Variants in ADAM12 observed in about 807,000 individuals in gnomAD.
The protein encoded by ADAM12 is disintegrin and metalloproteinase domain-containing protein 12.
In ADAM12, 70 loss-of-function variants were observed where a neutral mutation model predicts 106.4. That is an observed-to-expected ratio of 0.66 (90% confidence interval 0.54 to 0.80). ADAM12 has a LOEUF of 0.80. Ranked by LOEUF, ADAM12 falls within the 30% of genes least tolerant of loss-of-function variation. The probability of loss-of-function intolerance (pLI) is 0.00; values close to 1 mark genes in which losing one functional copy is unlikely to be tolerated. For synonymous variants in ADAM12, 420 were observed against 433.5 expected, an observed-to-expected ratio of 0.97 and a Z score of 0.39; for missense variants, 1,010 against 1,171.9, an observed-to-expected ratio of 0.86 and a Z score of 2.02.
At chr10:126,269,003 A>G (rs1345871781) in intron 3 of ADAM12, among the ~76,000 whole-genome samples, 1 of 152,232 alleles carries the variant, frequency 6.6e-6, no homozygotes, top group Non-Finnish European at 1.5e-5. Flanking sequence ...AGCAGCCCCG[A>G]GAACCGCTGG....
At chr10:126,266,146 C>G (rs1298246648) in intron 3 of ADAM12, among the ~76,000 whole-genome samples, 3 of 152,162 alleles carry the variant, frequency 2.0e-5, no homozygotes, top group African/African-American at 4.8e-5. Flanking sequence ...CCAGGCCAGC[C>G]AAACAGGTGG....
At chr10:126,065,140 G>T in intron 13 of ADAM12, 139 bp from the exon 14 acceptor site, 1 of 855,052 alleles carries the variant, frequency 1.2e-6, no homozygotes. Flanking sequence ...TGCTTCTAAT[G>T]TAGAGATACC....
At chr10:126,263,356 C>T (rs906069816) in intron 3 of ADAM12, among the ~76,000 whole-genome samples, 2 of 152,084 alleles carry the variant, frequency 1.3e-5, no homozygotes, top group African/African-American at 4.8e-5. Flanking sequence ...GAACTCAGGA[C>T]CAGAGAGGTT....
At chr10:126,042,987 C>G (rs948237393) in intron 18 of ADAM12, 53 bp downstream of exon 18, 1 of 1,564,502 alleles carries the variant, frequency 6.4e-7, no homozygotes, top group Non-Finnish European at 8.7e-7. Context: ...GGCGAGCCCA[C>G]CCGCCCCCAG....
intron 2 of ADAM12, among the ~76,000 whole-genome samples, chr10:126,327,033 G>C (rs999246168): frequency 6.6e-6 from 1 of 152,212 alleles, no homozygotes; most frequent in Non-Finnish European, 1.5e-5. Flanking sequence ...CAGCGGGGCA[G>C]GTGACCAGGC....
At chr10:126,276,434 T>C (rs1246395268) in intron 3 of ADAM12, among the ~76,000 whole-genome samples, 3 of 152,228 alleles carry the variant, frequency 2.0e-5, no homozygotes, top group Non-Finnish European at 2.9e-5. Flanking sequence ...TACATGCTAG[T>C]AGTGCACAAG....
intron 5 of ADAM12, among the ~76,000 whole-genome samples, chr10:126,133,201 T>C (rs12261632): frequency 6.6e-6 from 1 of 152,144 alleles, no homozygotes; most frequent in Non-Finnish European, 1.5e-5. Flanking sequence ...TCCTTGGTGG[T>C]GAACAGTTGT....
intron 17 of ADAM12, among the ~76,000 whole-genome samples, chr10:126,044,824 TGTAA>T (rs1392249186): frequency 6.6e-6 from 1 of 152,164 alleles, no homozygotes; most frequent in Non-Finnish European, 1.5e-5. Flanking sequence ...CTACGTCAAA[TGTAA>T]GTGTCTTGCC....
At chr10:126,252,132 GGACA>G (rs1444431551) in intron 3 of ADAM12, among the ~76,000 whole-genome samples, 2 of 149,314 alleles carry the variant, frequency 1.3e-5, no homozygotes, top group African/African-American at 5.0e-5. Context: ...ATGGATGGAT[GGACA>G]GGATGGATGG....
At chr10:126,108,481 C>A in intron 8 of ADAM12, 112 bp downstream of exon 8, 1 of 978,252 alleles carries the variant, frequency 1.0e-6, no homozygotes, top group Non-Finnish European at 1.6e-6. Context: ...CAGTTCCAAA[C>A]CAAGGCCCAG....
At chr10:126,100,927 C>T in intron 9 of ADAM12, 145 bp downstream of exon 9, 1 of 782,578 alleles carries the variant, frequency 1.3e-6, no homozygotes, top group Non-Finnish European at 2.0e-6. Flanking sequence ...GGCATCTGCC[C>T]CCCTGGTGTG....
intron 5 of ADAM12, among the ~76,000 whole-genome samples, chr10:126,122,562 G>C (rs1956134217): frequency 6.6e-6 from 1 of 152,172 alleles, no homozygotes; most frequent in Non-Finnish European, 1.5e-5. Context: ...AGGAGTTCAA[G>C]ACCAGCCGGA....
At chr10:126,155,573 C>T (rs1181709384) in intron 3 of ADAM12, among the ~76,000 whole-genome samples, 1 of 152,156 alleles carries the variant, frequency 6.6e-6, no homozygotes, top group Non-Finnish European at 1.5e-5. Context: ...CTTCCTCCCA[C>T]CTCATTCCTT....
intron 16 of ADAM12, among the ~76,000 whole-genome samples, chr10:126,048,489 G>A (rs1283394064): frequency 6.6e-6 from 1 of 152,142 alleles, no homozygotes; most frequent in East Asian, 1.9e-4. Flanking sequence ...GGCAACACCT[G>A]TCCTCAGGAT....
chr10:126,039,512 A>C (rs1954122542), intron 18 of ADAM12, 83 bp from the exon 19 acceptor site: 1 of 1,548,804 alleles, frequency 6.5e-7, no homozygotes, highest in Non-Finnish European at 8.9e-7. Context: ...TTTATGGCAA[A>C]GTGAACTCTG....
intron 19 of ADAM12, 112 bp downstream of exon 19, chr10:126,039,182 C>T (rs1415607021): frequency 9.9e-6 from 13 of 1,312,530 alleles, no homozygotes; most frequent in African/African-American, 1.5e-5. Flanking sequence ...CTCCTGACCT[C>T]GTGATCCGCC....
intron 3 of ADAM12, among the ~76,000 whole-genome samples, chr10:126,221,007 G>C (rs571613213): frequency 6.6e-6 from 1 of 152,356 alleles, no homozygotes; most frequent in South Asian, 2.1e-4. Context: ...CATCATTGGG[G>C]CACTTGATGG....
intron 2 of ADAM12, among the ~76,000 whole-genome samples, chr10:126,327,263 G>A (rs1214487806): frequency 6.6e-6 from 1 of 152,172 alleles, no homozygotes; most frequent in East Asian, 1.9e-4. Context: ...GGTTTTCAAG[G>A]AAAATCATGA....
chr10:126,262,993 G>T (rs534378728), intron 3 of ADAM12, among the ~76,000 whole-genome samples: 1 of 152,290 alleles, frequency 6.6e-6, no homozygotes, highest in Non-Finnish European at 1.5e-5. Context: ...GATGCATCCT[G>T]GGATTCTCAG....
Sources: gnomAD v4.1 joint callset for allele counts (sites outside exome capture counted in the v4.1 genomes callset) on GRCh38, gnomAD v4.1.1 for gene constraint, MANE v1.5 for transcripts, NCBI Gene and HGNC (gene_info 2026-07-23, HGNC 2026-07-21) for gene names.